Variants in MYH8 observed in about 807,000 individuals in gnomAD.
The protein encoded by MYH8 is myosin-8.
MYH8 carries 168 observed loss-of-function variants against 233.2 expected under a neutral mutation model. The observed-to-expected ratio is 0.72, with a 90% CI of 0.64 to 0.82. MYH8 has a LOEUF of 0.82. Among genes scored for constraint, MYH8 ranks in the 40% least tolerant of loss-of-function variants. The probability of loss-of-function intolerance (pLI) is 0.00; values close to 1 mark genes in which losing one functional copy is unlikely to be tolerated. For missense variants in MYH8, 1,995 were observed against 2,327.8 expected (o/e 0.86, Z 2.94); for synonymous variants, 785 against 850.6 (o/e 0.92, Z 1.34).
rs1320725562 is a variant in MYH8 at position 10,412,843 on chromosome 17, A to T, written c.1148-115T>A. 6.6e-6 allele frequency: 7 copies of T among 1,063,102 alleles called. No homozygotes were observed. In the African/African-American group the frequency reaches 1.1e-4, roughly 17 times the overall value. 65.9% of individuals were successfully genotyped at this position (1,063,102 alleles called of 1,614,324 possible). A position where few individuals can be genotyped will look rare whatever the true frequency, so the allele number is the denominator to read the frequency against. On this transcript the variant is annotated intron_variant, in intron 12 of 39. Transcript: ENST00000403437. ...TTAAATAAAAAGCTTAAATAATTCT[A>T]TAAAAGGCCAAATGAGGTTTTCTAA...
At position 10,403,978 on chromosome 17, in the gene MYH8, A is replaced by G. The variant is rs551994795; in HGVS notation, c.2688+352T>C. Among the ~76,000 whole-genome samples, 3 of 152,310 alleles carry G rather than the reference A, an allele frequency of 2.0e-5. No individual in the cohort carries two copies. The South Asian group carries it at 6.2e-4, about 32-fold the overall frequency. ...TAAGTTTGAATTTAAATACAATCTC[A>G]TAGACTTGCATTTAGAAAATAGAGC... On this transcript the variant is annotated intron_variant, in intron 22 of 39. Transcript: ENST00000403437.
intron 35 of MYH8, 134 bp from the exon 36 acceptor site, chr17:10,393,344 G>GA: frequency 1.6e-6 from 2 of 1,264,092 alleles, no homozygotes; most frequent in East Asian, 2.3e-5. Context: ...TTGTTCAGTG[G>GA]AAAATGTTAA....
At chr17:10,390,901 T>C (rs2072015458) in intron 39 of MYH8, among the ~76,000 whole-genome samples, 1 of 152,188 alleles carries the variant, frequency 6.6e-6, no homozygotes, top group Admixed American at 6.5e-5. Flanking sequence ...AGTAAGTAAA[T>C]GTAAGGCCAA....
intron 33 of MYH8, among the ~76,000 whole-genome samples, chr17:10,395,678 TA>T (rs2072072252): frequency 2.0e-5 from 3 of 152,072 alleles, no homozygotes; most frequent in Admixed American, 2.0e-4. Context: ...TTAATACTAA[TA>T]AAATTATATA....
Position 10,414,255 on chromosome 17 carries a change from G to A in MYH8, c.945C>T (p.Phe315=), listed in dbSNP as rs1462014189. Residue 315 remains phenylalanine (F), a synonymous_variant, in exon 11 of 40, where the codon TTC becomes TTT. Coordinates refer to ENST00000403437, the MANE Select transcript of MYH8 (RefSeq NM_002472.3). ...GAACTGTGATCTCCCCCTGACTGAC[G>A]AAGGCATAGTCATATGGGTTGGTGG... ...LITTNPYDYA[F]VSQGEITVPS... The A allele has an allele frequency of 1.9e-6, 3 of 1,614,104 alleles. No homozygotes were observed. The highest frequency in any genetic ancestry group is 1.7e-6 in the Non-Finnish European group (2 of 1,180,006).
intron 22 of MYH8, 120 bp downstream of exon 22, chr17:10,404,210 G>C: frequency 8.4e-7 from 1 of 1,185,344 alleles, no homozygotes. Flanking sequence ...AGATAAATGA[G>C]GTATTAAAAA....
In MYH8 at chr17:10,420,149, TC is replaced by T; in HGVS notation, c.78del (p.Ile27LeufsTer24). On this transcript the variant is annotated frameshift_variant, in exon 3 of 40. Transcript: ENST00000403437. LOFTEE classifies it high-confidence loss of function. ...TCAAACGGCTTGTTTTGGGCCTCAA[TC>T]CGCTCCTTTTCTGATTTTCGAAGGT... is the stretch of plus-strand genomic sequence containing the variant. ...APYLRKSEKE[R>X]IEAQNKPFDA... The T allele has an allele frequency of 6.2e-7, 1 of 1,614,210 alleles. No individual in the cohort carries two copies. Among genetic ancestry groups the T allele is most frequent in the Non-Finnish European group, 8.5e-7 (1 of 1,180,044 alleles).
chr17:10,412,447 T>A lies in MYH8; in HGVS notation c.1339A>T (p.Asn447Tyr), dbSNP rs1427980850. 1 of 1,614,252 alleles carries A rather than the reference T, an allele frequency of 6.2e-7. No homozygotes were observed. The highest frequency in any genetic ancestry group is 1.1e-5 in the South Asian group (1 of 91,090). ...GGCTGCTTGGTGTCCAGCTGCTGGT[T>A]GATGCGGGTGACCATCCACAGGAAC... The part of the protein sequence containing the change: ...KMFLWMVTRI[N>Y]QQLDTKQPRQ... Residue 447 changes from asparagine (N) to tyrosine (Y), a missense_variant, in exon 14 of 40, where the codon AAC (asparagine) becomes TAC (tyrosine). Physicochemically the swap from Asn to Tyr is moderately radical, Grantham distance 143. Transcript: ENST00000403437.
chr17:10,414,123 C>T, intron 11 of MYH8, 69 bp downstream of exon 11: 2 of 1,608,142 alleles, frequency 1.2e-6, no homozygotes, highest in Middle Eastern at 1.7e-4. Context: ...AAGGTAACCA[C>T]ACCTACAGTA....
At chr17:10,409,676 ACCCC>A in intron 15 of MYH8, 88 bp from the exon 16 acceptor site, 1 of 1,523,610 alleles carries the variant, frequency 6.6e-7, no homozygotes, top group Non-Finnish European at 9.0e-7. Context: ...AATTATGAGC[ACCCC>A]AATTAAATAT....
At chr17:10,390,993 G>A (rs2142165397) in intron 39 of MYH8, among the ~76,000 whole-genome samples, 1 of 152,324 alleles carries the variant, frequency 6.6e-6, no homozygotes, top group Non-Finnish European at 1.5e-5. Context: ...TAGACAGAAA[G>A]TCTCCTCTGT....
At chr17:10,420,378 C>T in intron 2 of MYH8, 121 bp from the exon 3 acceptor site, 1 of 882,162 alleles carries the variant, frequency 1.1e-6, no homozygotes. Context: ...TCCAAACTGG[C>T]ACTCCCCAGT....
chr17:10,408,480 A>G (rs1241155084), intron 17 of MYH8, among the ~76,000 whole-genome samples: 1 of 152,212 alleles, frequency 6.6e-6, no homozygotes, highest in East Asian at 1.9e-4. Context: ...ACTTAGCCAT[A>G]CACATTTTGA....
rs1355904554 is a variant in MYH8, at chr17:10,396,517, G to A, written c.4528+36C>T. On this transcript the variant is annotated intron_variant, in intron 32 of 39. Coordinates refer to ENST00000403437, the MANE Select transcript of MYH8 (RefSeq NM_002472.3). This position sits in a 1 kb window ranked among gnomAD's most constrained non-coding sequence, Gnocchi z 4.2. Reference sequence around the variant, plus strand: ...ATGGCAACATGGAAAGGTCCTCCCAGGGATATATGGAGTAGGGAGGACTGT... The same window carrying A: ...ATGGCAACATGGAAAGGTCCTCCCAAGGATATATGGAGTAGGGAGGACTGT... 6.2e-7 allele frequency: 1 copy of A among 1,613,726 alleles called. No individual in the cohort carries two copies. Among genetic ancestry groups the A allele is most frequent in the Non-Finnish European group, 8.5e-7 (1 of 1,179,880 alleles).
chr17:10,402,598 C>T (rs915705904), intron 22 of MYH8, among the ~76,000 whole-genome samples: 1 of 151,778 alleles, frequency 6.6e-6, no homozygotes, highest in African/African-American at 2.4e-5. Flanking sequence ...TCTCTAAACA[C>T]ACACATAGAC....
rs1331253861 is a variant in MYH8 at position 10,420,175 on chromosome 17, T to C, written c.53A>G (p.Tyr18Cys). Residue 18 changes from tyrosine (Y) to cysteine (C), a missense_variant, in exon 3 of 40, where the codon TAC becomes TGC. Coordinates refer to ENST00000403437, the MANE Select transcript of MYH8 (RefSeq NM_002472.3). Reference protein sequence around the residue: ...EMAVFGEAAPYLRKSEKERIE... With the variant: ...EMAVFGEAAPCLRKSEKERIE... ...CCGCTCCTTTTCTGATTTTCGAAGGTAGGGAGCAGCTTCGCCAAAAACAGC... is the reference window on the plus strand; with the variant it reads ...CCGCTCCTTTTCTGATTTTCGAAGGCAGGGAGCAGCTTCGCCAAAAACAGC... The C allele has an allele frequency of 2.5e-6, 4 of 1,613,856 alleles. No individual in the cohort carries two copies. Among genetic ancestry groups the C allele is most frequent in the East Asian group, 2.2e-5 (1 of 44,896 alleles).
In MYH8 at chr17:10,412,642, C is replaced by G; in HGVS notation, c.1234G>C (p.Glu412Gln). ...LCYPRVKVGN[E>Q]YVTKGQTVQQ... ...ACAGTCTGGCCTTTGGTGACATACT[C>G]ATTGCCAACCTTGACCCTAGGGTAG... Residue 412 changes from glutamate (E) to glutamine (Q), a missense_variant, in exon 13 of 40, where the codon GAG (glutamate) becomes CAG (glutamine). By Grantham distance (29) the Glu-to-Gln change is conservative. Around this residue, in one of 3 missense-constraint regions of MYH8, gnomAD observed 479 missense variants for 600.9 expected, o/e 0.80. Transcript: ENST00000403437. The G allele has an allele frequency of 1.2e-6, 2 of 1,614,240 alleles. No homozygotes were observed. The highest frequency in any genetic ancestry group is 1.1e-5 in the South Asian group (1 of 91,080).
intron 39 of MYH8, 150 bp from the exon 40 acceptor site, chr17:10,390,753 A>C: frequency 1.1e-6 from 1 of 928,024 alleles, no homozygotes; most frequent in Non-Finnish European, 1.6e-6. Context: ...TTATAACTTC[A>C]ACTACAATTT....
rs886052561 is a variant in MYH8, at chr17:10,415,515, G to C, written c.605C>G (p.Ala202Gly). The C allele has an allele frequency of 6.2e-7, 1 of 1,614,060 alleles. No homozygotes were observed. The highest frequency in any genetic ancestry group is 8.5e-7 in the Non-Finnish European group (1 of 1,180,038). Residue 202 changes from alanine to glycine, a missense_variant, in exon 7 of 40, where the codon GCA (alanine) becomes GGA (glycine). Coordinates refer to ENST00000403437, the MANE Select transcript of MYH8 (RefSeq NM_002472.3). The surrounding 1 kb of genome is among the most constrained non-coding windows in gnomAD (Gnocchi z 4.1). Reference protein sequence around the residue: ...KRVIQYFATIAVTGEKKKDES... With the variant: ...KRVIQYFATIGVTGEKKKDES... The stretch of plus-strand genomic sequence containing the variant: ...ATCCTTCTTCTTCTCTCCAGTAACT[G>C]CAATTGTTGCAAAGTATTGGATGAC...
Sources: gnomAD v4.1 joint callset for allele counts (sites outside exome capture counted in the v4.1 genomes callset) on GRCh38, gnomAD v4.1.1 for gene constraint, gnomAD v4.1.1 regional missense constraint, Gnocchi (gnomAD v3.1) non-coding constraint, MANE v1.5 for transcripts, NCBI Gene and HGNC (gene_info 2026-07-23, HGNC 2026-07-21) for gene names.